Variants in TIMP2 observed in about 807,000 individuals in gnomAD.
TIMP2 encodes TIMP metallopeptidase inhibitor 2, also known as metalloproteinase inhibitor 2.
A neutral mutation model predicts 24.3 loss-of-function variants in TIMP2; 5 were observed. The observed-to-expected ratio is 0.21, with a 90% confidence interval of 0.11 to 0.43. The LOEUF (loss-of-function observed/expected upper bound fraction) is 0.43. Ranked by LOEUF, TIMP2 falls within the 20% of genes least tolerant of loss-of-function variation. The pLI is 1.00. For synonymous variants in TIMP2, 130 were observed against 123.2 expected (o/e 1.06, Z -0.37); for missense variants, 221 against 297.5 (o/e 0.74, Z 1.89).
Position 78,891,116 on chromosome 17 carries a change from G to A in TIMP2, c.131-17197C>T. On this transcript the variant is annotated intron_variant, in intron 1 of 4. Transcript: ENST00000262768. This position sits in a 1 kb window ranked among gnomAD's most constrained non-coding sequence, Gnocchi z 4.5. ...TCCAGATTCAGTGCTATACAATAAT[G>A]AGTCCTCTTTGTTGATAAATATACC... is the stretch of plus-strand genomic sequence containing the variant. The A allele has an allele frequency of 2.6e-6, 4 of 1,550,774 alleles. No individual in the cohort carries two copies. The highest frequency in any genetic ancestry group is 2.0e-5 in the Admixed American group (1 of 51,006).
At chr17:78,873,685 A>G in intron 2 of TIMP2, 134 bp downstream of exon 2, 1 of 645,606 alleles carries the variant, frequency 1.5e-6, no homozygotes, top group Admixed American at 2.9e-5. Context: ...ATCTATTTGC[A>G]GCTTGATGAC....
rs1337688717 is a variant in TIMP2 at position 78,920,031 on chromosome 17, G to A, written c.130+4928C>T. 6.6e-6 allele frequency among the ~76,000 whole-genome samples: 1 copy of A among 152,012 alleles called. No individual in the cohort carries two copies. The highest frequency in any genetic ancestry group is 6.6e-5 in the Admixed American group (1 of 15,254). On this transcript the variant is annotated intron_variant, in intron 1 of 4. Coordinates refer to ENST00000262768, the MANE Select transcript of TIMP2 (RefSeq NM_003255.5). The surrounding 1 kb of genome is among the most constrained non-coding windows in gnomAD (Gnocchi z 4.5). ...CCTCCCTGCTGTTGCATCCCTCCTC[G>A]CAGCTGCCTGGGAAGCCTCGGGCAG... is the stretch of plus-strand genomic sequence containing the variant.
Position 78,891,683 on chromosome 17 carries a change from G to A in TIMP2, c.131-17764C>T, listed in dbSNP as rs1189021829. On this transcript the variant is annotated intron_variant, in intron 1 of 4. Transcript: ENST00000262768. The surrounding 1 kb of genome is among the most constrained non-coding windows in gnomAD (Gnocchi z 4.5). Reference sequence around the variant, plus strand: ...TCCCAGTTGCCTCCTCCCCGCCCGAGCTGTTCCTTTCTCTTTTTCCTCCAC... The same window carrying A: ...TCCCAGTTGCCTCCTCCCCGCCCGAACTGTTCCTTTCTCTTTTTCCTCCAC... 1.3e-6 allele frequency: 2 copies of A among 1,550,948 alleles called. No homozygotes were observed. The highest frequency in any genetic ancestry group is 1.7e-6 in the Non-Finnish European group (2 of 1,147,116).
At chr17:78,866,390 A>G (rs754370303) in intron 3 of TIMP2, among the ~76,000 whole-genome samples, 26 of 148,958 alleles carry the variant, frequency 1.7e-4, no homozygotes, top group Non-Finnish European at 3.6e-4. Flanking sequence ...TCTCCATTTG[A>G]TTTTTTTTTT....
intron 1 of TIMP2, chr17:78,902,738 T>C (rs2070114416): frequency 6.6e-6 from 1 of 152,208 alleles, no homozygotes; most frequent in South Asian, 2.1e-4. Flanking sequence ...GGTGGCTCAC[T>C]AAACATACCT....
intron 1 of TIMP2, among the ~76,000 whole-genome samples, chr17:78,913,895 GAAA>G (rs34119062): frequency 2.3e-4 from 23 of 102,166 alleles, no homozygotes; most frequent in African/African-American, 7.0e-4. Context: ...CTGTCTCGGG[GAAA>G]AAAAAAAAAA....
rs2070337974 is a variant in TIMP2 at position 78,924,928 on chromosome 17, C to T, written c.130+31G>A. On this transcript the variant is annotated intron_variant, in intron 1 of 4. Transcript: ENST00000262768. The surrounding 1 kb of genome is among the most constrained non-coding windows in gnomAD (Gnocchi z 5.3). ...TCGGGGTCGCGGGGGAGGTGGGGCC[C>T]CGCGCGGGGGCTGGGGTCGCCGCTC... The T allele has an allele frequency of 3.3e-6, 4 of 1,209,648 alleles. No homozygotes were observed. The highest frequency in any genetic ancestry group is 1.6e-5 in the African/African-American group (1 of 62,236). 74.9% of individuals were successfully genotyped at this position (1,209,648 alleles called of 1,614,324 possible).
intron 1 of TIMP2, among the ~76,000 whole-genome samples, chr17:78,885,902 G>A (rs188001424): frequency 5.3e-5 from 8 of 152,290 alleles, no homozygotes; most frequent in African/African-American, 9.6e-5. Flanking sequence ...CCTTTCTACC[G>A]CAGTCCAGCT....
In TIMP2 at chr17:78,854,943, T is replaced by TGGG. The variant is rs1567989551; in HGVS notation, c.*721_*723dup. On this transcript the variant is annotated 3_prime_UTR_variant, in exon 5 of 5. Coordinates refer to ENST00000262768, the MANE Select transcript of TIMP2 (RefSeq NM_003255.5). ...GGGCGGGGGGGGGGGGGTGGGGGGG[T>TGGG]GGGTGCAGACCAAAAAGACTCAGCT... 2 of 26,448 alleles carry TGGG rather than the reference T, an allele frequency of 7.6e-5. No individual in the cohort carries two copies. Among genetic ancestry groups the TGGG allele is most frequent in the Non-Finnish European group, 1.4e-4 (2 of 14,228 alleles). 1.6% of individuals were successfully genotyped at this position (26,448 alleles called of 1,614,324 possible). A position where few individuals can be genotyped will look rare whatever the true frequency, so the allele number is the denominator to read the frequency against.
chr17:78,895,231 A>G (rs1290214696), intron 1 of TIMP2, among the ~76,000 whole-genome samples: 1 of 152,222 alleles, frequency 6.6e-6, no homozygotes, highest in Non-Finnish European at 1.5e-5. Context: ...CAATGAGCTG[A>G]GATTGCACCA....
intron 1 of TIMP2, among the ~76,000 whole-genome samples, chr17:78,888,082 G>A (rs1316063780): frequency 2.0e-5 from 3 of 151,512 alleles, no homozygotes; most frequent in Non-Finnish European, 4.4e-5. Flanking sequence ...TAAACACTAT[G>A]TTTAGCATAC....
chr17:78,912,606 G>A (rs1174693266), intron 1 of TIMP2, among the ~76,000 whole-genome samples: 1 of 152,210 alleles, frequency 6.6e-6, no homozygotes, highest in African/African-American at 2.4e-5. Context: ...TCGGCTTGGA[G>A]AATGACACCC....
Position 78,925,069 on chromosome 17 carries a change from G to A in TIMP2, c.20C>T (p.Thr7Ile). Residue 7 changes from threonine to isoleucine, a missense_variant, in exon 1 of 5, where the codon ACC (threonine) becomes ATC (isoleucine). Physicochemically the swap from Thr to Ile is moderately conservative, Grantham distance 89. Coordinates refer to ENST00000262768, the MANE Select transcript of TIMP2 (RefSeq NM_003255.5). Reference sequence around the variant, plus strand: ...CAGGAGGCCGAGCGCCAGCCGCAGGGTGCGGGCCGCGGCGCCCATGGCGGG... The same window carrying A: ...CAGGAGGCCGAGCGCCAGCCGCAGGATGCGGGCCGCGGCGCCCATGGCGGG... MGAAAR[T>I]LRLALGLLLL... The A allele has an allele frequency of 8.8e-7, 1 of 1,132,850 alleles. No individual in the cohort carries two copies. Among genetic ancestry groups the A allele is most frequent in the Non-Finnish European group, 1.1e-6 (1 of 924,776 alleles). 70.2% of individuals were successfully genotyped at this position (1,132,850 alleles called of 1,614,324 possible).
At chr17:78,878,126 T>C (rs2069744849) in intron 1 of TIMP2, among the ~76,000 whole-genome samples, 1 of 152,212 alleles carries the variant, frequency 6.6e-6, no homozygotes, top group Non-Finnish European at 1.5e-5. Flanking sequence ...GGCCAAAATG[T>C]TGCATCCTAC....
chr17:78,898,739 TTTC>T (rs2070041712), intron 1 of TIMP2: 1 of 152,234 alleles, frequency 6.6e-6, no homozygotes, highest in East Asian at 1.9e-4. Flanking sequence ...TTCTTTTTCT[TTTC>T]TTTTTTCTTT....
In TIMP2 at chr17:78,855,989, C is replaced by T. The variant is rs1414403865; in HGVS notation, c.466-125G>A. 1 of 965,554 alleles carries T rather than the reference C, an allele frequency of 1.0e-6. No homozygotes were observed. Among genetic ancestry groups the T allele is most frequent in the East Asian group, 2.5e-5 (1 of 39,290 alleles). 59.8% of individuals were successfully genotyped at this position (965,554 alleles called of 1,614,324 possible). On this transcript the variant is annotated intron_variant, in intron 4 of 4. Coordinates refer to ENST00000262768, the MANE Select transcript of TIMP2 (RefSeq NM_003255.5). The surrounding 1 kb of genome is among the most constrained non-coding windows in gnomAD (Gnocchi z 6.0). ...CTGTCATGTGCAGGGATGGCAGCCT[C>T]TCCCGAGACCCACGGTTCCTGCAGG... is the stretch of plus-strand genomic sequence containing the variant.
At chr17:78,902,901 C>G (rs1280881436) in intron 1 of TIMP2, 2 of 152,478 alleles carry the variant, frequency 1.3e-5, no homozygotes, top group East Asian at 1.9e-4. Context: ...CCCAGTCCCA[C>G]CAGCTTCCCT....
intron 1 of TIMP2, among the ~76,000 whole-genome samples, chr17:78,877,398 G>A (rs2069736790): frequency 6.6e-6 from 1 of 152,062 alleles, no homozygotes; most frequent in Non-Finnish European, 1.5e-5. Context: ...AGCCAACATG[G>A]TGAAACCCCA....
intron 1 of TIMP2, among the ~76,000 whole-genome samples, chr17:78,915,526 CTT>C (rs11296863): frequency 3.4e-5 from 5 of 146,968 alleles, no homozygotes; most frequent in Non-Finnish European, 3.0e-5. Flanking sequence ...TTTTTTTCTT[CTT>C]TTTTTTTTTG....
Sources: allele counts gnomAD v4.1 joint callset (sites outside exome capture counted in the v4.1 genomes callset), GRCh38; gene constraint gnomAD v4.1.1; non-coding constraint Gnocchi (gnomAD v3.1); transcripts MANE v1.5; gene names NCBI Gene and HGNC (gene_info 2026-07-23, HGNC 2026-07-21).